The following SNX9 variants were observed in gnomAD, a reference collection of about 807,000 sequenced individuals.
SNX9 encodes the protein sorting nexin 9.
In SNX9, 44 loss-of-function variants were observed where a neutral mutation model predicts 89.4. The observed-to-expected ratio is 0.49, with a 90% CI of 0.39 to 0.63. SNX9 has a LOEUF of 0.63. Among genes scored for constraint, SNX9 ranks in the 30% least tolerant of loss-of-function variants. The pLI is 0.00. For synonymous variants in SNX9, 236 were observed against 247.8 expected (o/e 0.95, Z 0.45); for missense variants, 578 against 736.1 (o/e 0.79, Z 2.49).
intron 1 of SNX9, among the ~76,000 whole-genome samples, chr6:157,827,624 A>G (rs2115102360): frequency 6.9e-6 from 1 of 144,412 alleles, no homozygotes; most frequent in Non-Finnish European, 1.5e-5. Context: ...TATATAATAC[A>G]TTGTCAGTCA....
At chr6:157,940,319 A>G (rs1035395858) in intron 16 of SNX9, among the ~76,000 whole-genome samples, 1 of 152,256 alleles carries the variant, frequency 6.6e-6, no homozygotes, top group Non-Finnish European at 1.5e-5. Context: ...AATAGGCTGC[A>G]TTTGGGTGAT....
intron 4 of SNX9, among the ~76,000 whole-genome samples, chr6:157,892,271 G>A (rs1475287143): frequency 6.6e-6 from 1 of 152,190 alleles, no homozygotes; most frequent in Non-Finnish European, 1.5e-5. Context: ...CGACGTATGG[G>A]AAGGATGGGT....
At chr6:157,858,550 A>G (rs1017486259) in intron 1 of SNX9, among the ~76,000 whole-genome samples, 3 of 152,128 alleles carry the variant, frequency 2.0e-5, no homozygotes, top group African/African-American at 7.2e-5. Context: ...GGGAGGAGTG[A>G]CAAAGTCATA....
In SNX9 at chr6:157,823,879, C is replaced by G. The variant is rs1010795506; in HGVS notation, c.12+433C>G. Reference sequence around the variant, plus strand: ...CCCGCTGCCGCCTGGGGGACCCTCGCCCCCGCGGGGCGGGTGGGGGTCGAG... The same window carrying G: ...CCCGCTGCCGCCTGGGGGACCCTCGGCCCCGCGGGGCGGGTGGGGGTCGAG... On this transcript the variant is annotated intron_variant, in intron 1 of 17. Coordinates refer to ENST00000392185, the MANE Select transcript of SNX9 (RefSeq NM_016224.5). The surrounding 1 kb of genome is among the most constrained non-coding windows in gnomAD (Gnocchi z 4.6). Among the ~76,000 whole-genome samples the G allele has an allele frequency of 6.6e-6, 1 of 151,960 alleles. No homozygotes were observed. Among genetic ancestry groups the G allele is most frequent in the Non-Finnish European group, 1.5e-5 (1 of 67,954 alleles).
chr6:157,830,972 CT>C (rs1424121821), intron 1 of SNX9, among the ~76,000 whole-genome samples: 2 of 152,168 alleles, frequency 1.3e-5, no homozygotes, highest in Non-Finnish European at 2.9e-5. Context: ...CAAATCTGCT[CT>C]TTTATTCATC....
intron 5 of SNX9, among the ~76,000 whole-genome samples, chr6:157,900,521 G>A (rs937861565): frequency 2.0e-5 from 3 of 152,080 alleles, no homozygotes; most frequent in Admixed American, 6.5e-5. Flanking sequence ...GCTGGGTCCG[G>A]GGGGGTCACT....
At chr6:157,882,523 A>G (rs1782648463) in intron 4 of SNX9, among the ~76,000 whole-genome samples, 1 of 152,220 alleles carries the variant, frequency 6.6e-6, no homozygotes, top group Non-Finnish European at 1.5e-5. Flanking sequence ...ATCTGGGCAA[A>G]GTACATCGAA....
At chr6:157,842,597 G>A (rs1443247613) in intron 1 of SNX9, among the ~76,000 whole-genome samples, 2 of 152,172 alleles carry the variant, frequency 1.3e-5, no homozygotes, top group Non-Finnish European at 2.9e-5. Context: ...AATTTGGTGG[G>A]TAGGGGCTTG....
chr6:157,921,567 A>G lies in SNX9; in HGVS notation c.986A>G (p.Glu329Gly). 6.2e-7 allele frequency: 1 copy of G among 1,614,094 alleles called. No homozygotes were observed. The highest frequency in any genetic ancestry group is 8.5e-7 in the Non-Finnish European group (1 of 1,179,984). Residue 329 changes from glutamate to glycine, a missense_variant, in exon 10 of 18, where the codon GAG (glutamate) becomes GGG (glycine). By Grantham distance (98) the Glu-to-Gly change is moderately conservative. Coordinates refer to ENST00000392185, the MANE Select transcript of SNX9 (RefSeq NM_016224.5). ...FEEEFIKMRM[E>G]RLQAWMTRMC... ...GAGGAATTTATCAAAATGCGCATGG[A>G]GAGACTTCAGGCCTGGATGACCAGG...
At chr6:157,834,151 T>A (rs918913707) in intron 1 of SNX9, among the ~76,000 whole-genome samples, 1 of 32,984 alleles carries the variant, frequency 3.0e-5, no homozygotes, top group African/African-American at 1.3e-4. Flanking sequence ...TCCACTGTGG[T>A]TTTTTTTTTT....
chr6:157,834,059 T>C (rs1781525104), intron 1 of SNX9, among the ~76,000 whole-genome samples: 1 of 148,260 alleles, frequency 6.7e-6, no homozygotes, highest in African/African-American at 2.5e-5. Flanking sequence ...GGGGTGATGC[T>C]GGAGGCATAA....
chr6:157,917,954 CA>C (rs562060467), intron 9 of SNX9, among the ~76,000 whole-genome samples: 38 of 152,164 alleles, frequency 2.5e-4, no homozygotes, highest in Admixed American at 3.9e-4. Context: ...TTTTGACCTC[CA>C]GTTTTATTAT....
intron 7 of SNX9, 57 bp downstream of exon 7, chr6:157,906,269 A>T (rs1406318111): frequency 3.0e-6 from 4 of 1,350,030 alleles, no homozygotes; most frequent in Admixed American, 2.3e-5. Flanking sequence ...CTTATACCGT[A>T]CTTTAAAGCT....
intron 4 of SNX9, among the ~76,000 whole-genome samples, chr6:157,890,611 C>G (rs910024612): frequency 5.3e-5 from 8 of 152,136 alleles, no homozygotes; most frequent in Admixed American, 3.3e-4. Flanking sequence ...GAGACCCAAC[C>G]AGACATGCTG....
intron 4 of SNX9, among the ~76,000 whole-genome samples, chr6:157,883,531 A>T (rs1229672815): frequency 6.6e-6 from 1 of 152,200 alleles, no homozygotes; most frequent in African/African-American, 2.4e-5. Context: ...CTGTAGAAGA[A>T]ATTCATCTGA....
chr6:157,878,168 A>G (rs140923818), intron 4 of SNX9, among the ~76,000 whole-genome samples: 7 of 152,304 alleles, frequency 4.6e-5, no homozygotes, highest in Non-Finnish European at 7.3e-5. Flanking sequence ...GCTGGTGTCA[A>G]GGCAGTGTTG....
At chr6:157,845,865 A>G (rs1047746638) in intron 1 of SNX9, among the ~76,000 whole-genome samples, 5 of 152,148 alleles carry the variant, frequency 3.3e-5, no homozygotes, top group Non-Finnish European at 7.4e-5. Flanking sequence ...TGAATTTGGT[A>G]TTGTTTTGTT....
chr6:157,830,679 A>C (rs1781463281), intron 1 of SNX9: 1 of 152,158 alleles, frequency 6.6e-6, no homozygotes, highest in Non-Finnish European at 1.5e-5. Flanking sequence ...AAGAACTTGA[A>C]ATGTGGTTAG....
chr6:157,831,743 A>G (rs2115105075), intron 1 of SNX9, among the ~76,000 whole-genome samples: 1 of 152,296 alleles, frequency 6.6e-6, no homozygotes, highest in South Asian at 2.1e-4. Context: ...GTGTGTTTCA[A>G]AAGGTGTTTA....
Sources: allele counts gnomAD v4.1 joint callset (sites outside exome capture counted in the v4.1 genomes callset), GRCh38; gene constraint gnomAD v4.1.1; non-coding constraint Gnocchi (gnomAD v3.1); transcripts MANE v1.5; gene names NCBI Gene and HGNC (gene_info 2026-07-23, HGNC 2026-07-21).